PRMT2: variants seen among roughly 807,000 people sequenced by gnomAD.
PRMT2 encodes the protein protein arginine methyltransferase 2, also known as protein arginine N-methyltransferase 2.
PRMT2 carries 26 observed loss-of-function variants against 57.6 expected under a neutral mutation model. That is an observed-to-expected ratio of 0.45 (90% CI 0.33 to 0.63). The LOEUF (loss-of-function observed/expected upper bound fraction) is 0.63. Ranked by LOEUF, PRMT2 falls within the 20% of genes least tolerant of loss-of-function variation. The pLI is 0.02. For synonymous variants in PRMT2, 219 were observed against 220.0 expected (o/e 1.00, Z 0.04); for missense variants, 472 against 564.4 (o/e 0.84, Z 1.66).
At chr21:46,660,569 C>T (rs1197946961) in intron 8 of PRMT2, among the ~76,000 whole-genome samples, 3 of 152,202 alleles carry the variant, frequency 2.0e-5, no homozygotes, top group Admixed American at 6.5e-5. Flanking sequence ...GGGAAGCGCC[C>T]AGTGACTGGC....
chr21:46,650,186 G>A (rs887795664), intron 7 of PRMT2, among the ~76,000 whole-genome samples: 12 of 152,202 alleles, frequency 7.9e-5, no homozygotes, highest in African/African-American at 2.9e-4. Flanking sequence ...AGTTTCACAT[G>A]TGGGTGGAAG....
At chr21:46,646,025 T>C (rs983497374) in intron 5 of PRMT2, among the ~76,000 whole-genome samples, 3 of 151,918 alleles carry the variant, frequency 2.0e-5, no homozygotes, top group Admixed American at 2.0e-4. Flanking sequence ...GAAGGTACTG[T>C]TTGTGAGTGT....
chr21:46,636,998 C>A lies in PRMT2; in HGVS notation c.39+8C>A. On this transcript the variant is annotated splice_region_variant and intron_variant, in intron 3 of 11. Coordinates refer to ENST00000355680, the MANE Select transcript of PRMT2 (RefSeq NM_206962.4). ...CCCAGAAGTGAATCGCAGGTAATTT[C>A]CGTTCCACTTCCTAAAAATCTGTGT... is the stretch of plus-strand genomic sequence containing the variant. The A allele has an allele frequency of 6.2e-7, 1 of 1,613,654 alleles. No homozygotes were observed. Among genetic ancestry groups the A allele is most frequent in the Non-Finnish European group, 8.5e-7 (1 of 1,179,748 alleles).
chr21:46,648,491 C>T lies in PRMT2; in HGVS notation c.361C>T (p.Arg121Ter), dbSNP rs769181184. 5.0e-6 allele frequency: 8 copies of T among 1,614,162 alleles called. No individual in the cohort carries two copies. Among genetic ancestry groups the T allele is most frequent in the Non-Finnish European group, 6.8e-6 (8 of 1,180,034 alleles). The change falls in exon 6 of 12, where the codon CGA (arginine) becomes TGA (stop). Residue 121 changes from arginine to a stop codon, truncating the protein, a stop_gained. Transcript: ENST00000355680. LOFTEE classifies it high-confidence loss of function. The surrounding 1 kb of genome is among the most constrained non-coding windows in gnomAD (Gnocchi z 4.8). Reference protein sequence around the residue: ...LHLEMLADQPRTTKYHSVILQ... With the variant: ...LHLEMLADQP ...CTTGGAGATGTTGGCAGACCAGCCA[C>T]GAACAACTAAATACCACAGTGTCAT...
At chr21:46,641,719 CTGTGTGTGTG>C (rs34542867) in intron 3 of PRMT2, among the ~76,000 whole-genome samples, 32 of 148,216 alleles carry the variant, frequency 2.2e-4, no homozygotes, top group Admixed American at 1.1e-3. Flanking sequence ...AAGAAACAGC[CTGTGTGTGTG>C]TGTGTGTGTG....
chr21:46,652,386 A>C (rs1056883635), intron 7 of PRMT2: 54 of 1,080,458 alleles, frequency 5.0e-5, no homozygotes, highest in Non-Finnish European at 6.0e-5. Flanking sequence ...ATTGCAGCTA[A>C]AGAATTGTGT....
chr21:46,637,648 T>G (rs1430121031), intron 3 of PRMT2, among the ~76,000 whole-genome samples: 1 of 152,192 alleles, frequency 6.6e-6, no homozygotes, highest in Non-Finnish European at 1.5e-5. Flanking sequence ...TTTAATTCCG[T>G]GGACATCTTA....
intron 8 of PRMT2, chr21:46,659,424 T>G: frequency 1.0e-6 from 1 of 985,558 alleles, no homozygotes; most frequent in South Asian, 4.7e-5. Flanking sequence ...AGCAAACAAG[T>G]AATTAGAGAA....
At position 46,649,062 on chromosome 21, in the gene PRMT2, C is replaced by T. The variant is rs1158990935; in HGVS notation, c.489+443C>T. 6.6e-6 allele frequency among the ~76,000 whole-genome samples: 1 copy of T among 152,078 alleles called. No homozygotes were observed. Among genetic ancestry groups the T allele is most frequent in the Non-Finnish European group, 1.5e-5 (1 of 68,026 alleles). On this transcript the variant is annotated intron_variant, in intron 6 of 11. Transcript: ENST00000355680. The surrounding 1 kb of genome is among the most constrained non-coding windows in gnomAD (Gnocchi z 4.8). ...CCGTCTATACTGTGCTGAGCTGAGC[C>T]GAGCTGCAGCCTTGGAGACTCCTTA...
In PRMT2 at chr21:46,651,829, C is replaced by T. The variant is rs368670566; in HGVS notation, c.654+2090C>T. The T allele has an allele frequency of 3.6e-4, 588 of 1,612,984 alleles. 1 individual carries two copies. The highest frequency in any genetic ancestry group is 4.5e-4 in the Non-Finnish European group (535 of 1,179,880). Reference sequence around the variant, plus strand: ...AGGCTGCGCCTCTCCTGAGCTGCCGCATTCTCCCCTGCACCTGTGCGTCTG... The same window carrying T: ...AGGCTGCGCCTCTCCTGAGCTGCCGTATTCTCCCCTGCACCTGTGCGTCTG... On this transcript the variant is annotated intron_variant, in intron 7 of 11. Transcript: ENST00000355680.
At chr21:46,646,064 G>C (rs1178564295) in intron 5 of PRMT2, among the ~76,000 whole-genome samples, 3 of 152,120 alleles carry the variant, frequency 2.0e-5, no homozygotes, top group African/African-American at 7.2e-5. Context: ...ACTGAGGGCA[G>C]GAGTGGCTCC....
intron 9 of PRMT2, 65 bp from the exon 10 acceptor site, chr21:46,661,735 G>GC: frequency 1.6e-6 from 2 of 1,266,112 alleles, no homozygotes; most frequent in Non-Finnish European, 2.0e-6. Flanking sequence ...GGAGGGGGCC[G>GC]CCCCAACCCG....
intron 3 of PRMT2, among the ~76,000 whole-genome samples, chr21:46,642,822 AG>A (rs1972014444): frequency 1.3e-5 from 2 of 152,154 alleles, no homozygotes; most frequent in Admixed American, 1.3e-4. Flanking sequence ...GAGGATTTCG[AG>A]GCCAACCTGG....
At chr21:46,636,771 AATCTT>A (rs1428724750) in intron 2 of PRMT2, 120 bp from the exon 3 acceptor site, 1 of 576,142 alleles carries the variant, frequency 1.7e-6, no homozygotes, top group African/African-American at 1.9e-5. Context: ...TTTCTACACT[AATCTT>A]CACACATACA....
At chr21:46,654,821 C>T in intron 7 of PRMT2, 2 of 857,424 alleles carry the variant, frequency 2.3e-6, no homozygotes, top group Non-Finnish European at 2.8e-6. Flanking sequence ...ATTTGAATAT[C>T]CACGGGGGTC....
intron 9 of PRMT2, chr21:46,661,469 G>C (rs2061619507): frequency 1.1e-5 from 2 of 189,864 alleles, no homozygotes; most frequent in Non-Finnish European, 2.1e-5. Flanking sequence ...CGGTGGCGCC[G>C]GCGCGCTTTG....
At chr21:46,636,376 G>T (rs2061172184) in intron 1 of PRMT2, 63 bp from the exon 2 acceptor site, 2 of 152,450 alleles carry the variant, frequency 1.3e-5, no homozygotes, top group Admixed American at 6.5e-5. Context: ...TCTGGATTTA[G>T]AAGTGAAGCA....
chr21:46,664,340 T>C lies in PRMT2; in HGVS notation c.*13T>C. On this transcript the variant is annotated 3_prime_UTR_variant, in exon 12 of 12. Transcript: ENST00000355680. ...CATCTGGAGATGACAGTTGATGCTTTATTTGGAAAGCAGTGTGCATATCTT... is the reference window on the plus strand; with the variant it reads ...CATCTGGAGATGACAGTTGATGCTTCATTTGGAAAGCAGTGTGCATATCTT... The C allele has an allele frequency of 1.2e-6, 2 of 1,614,174 alleles. No individual in the cohort carries two copies. The highest frequency in any genetic ancestry group is 2.2e-5 in the East Asian group (1 of 44,884).
intron 4 of PRMT2, among the ~76,000 whole-genome samples, chr21:46,644,019 G>C (rs1446909214): frequency 2.0e-5 from 3 of 152,208 alleles, no homozygotes; most frequent in Non-Finnish European, 4.4e-5. Flanking sequence ...GCATAGTTGA[G>C]TTACAATGAA....
Sources: gnomAD v4.1 joint callset for allele counts (sites outside exome capture counted in the v4.1 genomes callset) on GRCh38, gnomAD v4.1.1 for gene constraint, Gnocchi (gnomAD v3.1) non-coding constraint, MANE v1.5 for transcripts, NCBI Gene and HGNC (gene_info 2026-07-23, HGNC 2026-07-21) for gene names.